RUFY3: variants seen among roughly 807,000 people sequenced by gnomAD.
RUFY3 encodes protein RUFY3.
RUFY3 carries 34 observed loss-of-function variants against 84.0 expected under a neutral mutation model. That is an observed-to-expected ratio of 0.40 (90% CI 0.31 to 0.54). RUFY3 has a LOEUF of 0.54. Among genes scored for constraint, RUFY3 ranks in the 20% least tolerant of loss-of-function variants. RUFY3 has a pLI of 0.39. For synonymous variants in RUFY3, 242 were observed against 252.9 expected, an observed-to-expected ratio of 0.96 and a Z score of 0.41; for missense variants, 507 against 736.8, an observed-to-expected ratio of 0.69 and a Z score of 3.61.
intron 14 of RUFY3, among the ~76,000 whole-genome samples, chr4:70,796,088 A>G (rs116343660): frequency 9.0e-4 from 137 of 152,300 alleles, no homozygotes; most frequent in African/African-American, 3.2e-3. Context: ...AGTCCCAGCT[A>G]CTTGGGAGGC....
At chr4:70,788,765 A>G in intron 10 of RUFY3, 41 bp from the exon 11 acceptor site, 1 of 1,602,688 alleles carries the variant, frequency 6.2e-7, no homozygotes, top group African/African-American at 1.3e-5. Context: ...TACTTAGTTG[A>G]AGGAACAGAG....
At chr4:70,789,438 T>C in intron 11 of RUFY3, 57 bp from the exon 12 acceptor site, 1 of 1,438,630 alleles carries the variant, frequency 7.0e-7, no homozygotes, top group African/African-American at 1.4e-5. Flanking sequence ...AAGGCATGTG[T>C]GGTTGTATTT....
chr4:70,762,746 ATAC>A, intron 2 of RUFY3, 54 bp downstream of exon 2: 1 of 1,451,396 alleles, frequency 6.9e-7, no homozygotes. Context: ...CTAGCAATGC[ATAC>A]TATAGAAGAA....
chr4:70,757,961 CTGAT>C (rs1178249943), intron 1 of RUFY3, among the ~76,000 whole-genome samples: 1 of 152,184 alleles, frequency 6.6e-6, no homozygotes, highest in Non-Finnish European at 1.5e-5. Context: ...AAAAGCTTGA[CTGAT>C]GATATCATGA....
In RUFY3 at chr4:70,731,512, A is replaced by T. The variant is rs112612576; in HGVS notation, c.178+8761A>T. 6.6e-3 allele frequency among the ~76,000 whole-genome samples: 998 copies of T among 152,330 alleles called. 18 individuals are homozygous for T. Among genetic ancestry groups the T allele is most frequent in the African/African-American group, 0.023 (960 of 41,570 alleles). ...GACCTGGCTGGCAAGTGACACCTCT[A>T]TATGCTAAATTTAGCTTTCTGAAGC... On this transcript the variant is annotated intron_variant, in intron 1 of 17. Coordinates refer to ENST00000381006, the MANE Select transcript of RUFY3 (RefSeq NM_001037442.4).
chr4:70,741,567 T>G, intron 1 of RUFY3: 1 of 1,431,364 alleles, frequency 7.0e-7, no homozygotes, highest in Admixed American at 2.4e-5. Context: ...ATAGCACTTT[T>G]CTTTCTGGGC....
chr4:70,768,756 A>T (rs1161206953), intron 5 of RUFY3, 95 bp downstream of exon 5: 1 of 1,116,710 alleles, frequency 9.0e-7, no homozygotes, highest in African/African-American at 1.6e-5. Context: ...ATTAGGCCAT[A>T]TTCTATGAGT....
rs1025402309 is a variant in RUFY3, at chr4:70,780,536, A to C, written c.894+2098A>C. ...TTGAGCTCCCGGCCTCAGGTGATCC[A>C]CCCGCCTCGGCCTCCCAAAGTGCTG... On this transcript the variant is annotated intron_variant, in intron 8 of 17. Transcript: ENST00000381006. Among the ~76,000 whole-genome samples, 523 of 151,478 alleles carry C rather than the reference A, an allele frequency of 3.5e-3. 3 individuals carry two copies. The highest frequency in any genetic ancestry group is 0.012 in the African/African-American group (487 of 41,346).
At chr4:70,735,245 G>A (rs1720082892) in intron 1 of RUFY3, among the ~76,000 whole-genome samples, 1 of 152,162 alleles carries the variant, frequency 6.6e-6, no homozygotes, top group South Asian at 2.1e-4. Flanking sequence ...AGGGGGAGGT[G>A]GAGAGTATAT....
chr4:70,735,466 GGCT>G (rs1172076780), intron 1 of RUFY3, among the ~76,000 whole-genome samples: 1 of 152,140 alleles, frequency 6.6e-6, no homozygotes, highest in African/African-American at 2.4e-5. Context: ...CTTCCCAAAT[GGCT>G]GCTAAGTAAT....
intron 14 of RUFY3, among the ~76,000 whole-genome samples, chr4:70,797,895 ATTATT>A (rs1451375001): frequency 2.6e-5 from 4 of 152,216 alleles, no homozygotes; most frequent in African/African-American, 9.6e-5. Flanking sequence ...TGCTATCTTT[ATTATT>A]TTAGTTTAGT....
intron 15 of RUFY3, among the ~76,000 whole-genome samples, chr4:70,801,292 A>T (rs1447232334): frequency 6.6e-6 from 1 of 151,252 alleles, no homozygotes; most frequent in East Asian, 1.9e-4. Flanking sequence ...ACATGTCATT[A>T]TACATTTGAC....
intron 1 of RUFY3, among the ~76,000 whole-genome samples, chr4:70,730,572 C>CAAAA (rs796173421): frequency 2.8e-5 from 3 of 106,552 alleles, no homozygotes; most frequent in African/African-American, 3.5e-5. Context: ...ACTAAAAATA[C>CAAAA]AAAAAAAAAA....
At chr4:70,791,740 T>C in intron 12 of RUFY3, 1 of 993,880 alleles carries the variant, frequency 1.0e-6, no homozygotes, top group Non-Finnish European at 1.2e-6. Context: ...GTAACTACCA[T>C]GTGAACTTGA....
chr4:70,772,715 C>T lies in RUFY3; in HGVS notation c.697-796C>T, dbSNP rs1373890108. On this transcript the variant is annotated intron_variant, in intron 5 of 17. Coordinates refer to ENST00000381006, the MANE Select transcript of RUFY3 (RefSeq NM_001037442.4). Reference sequence around the variant, plus strand: ...TGCTCTTGTTGCCCAGGCTGGAGTGCAATGGTGAGATCCTGGCTTACCGCA... The same window carrying T: ...TGCTCTTGTTGCCCAGGCTGGAGTGTAATGGTGAGATCCTGGCTTACCGCA... Among the ~76,000 whole-genome samples, 3 of 151,378 alleles carry T rather than the reference C, an allele frequency of 2.0e-5. No individual in the cohort carries two copies. The East Asian group carries it at 5.8e-4, about 29-fold the overall frequency.
At chr4:70,762,843 T>A in intron 2 of RUFY3, 151 bp downstream of exon 2, 1 of 691,788 alleles carries the variant, frequency 1.4e-6, no homozygotes, top group Non-Finnish European at 2.3e-6. Flanking sequence ...AGGAGCAGGG[T>A]TATGGTTGAC....
intron 14 of RUFY3, chr4:70,799,502 TG>T: frequency 6.6e-6 from 1 of 152,586 alleles, no homozygotes; most frequent in Non-Finnish European, 1.5e-5. Context: ...GAGACCAGCC[TG>T]GCCAACATGG....
chr4:70,791,292 C>G (rs1730774295), intron 12 of RUFY3: 9 of 1,613,220 alleles, frequency 5.6e-6, no homozygotes, highest in Non-Finnish European at 7.6e-6. Flanking sequence ...CCCAAAACAT[C>G]ATTAGGCATT....
intron 13 of RUFY3, 105 bp from the exon 14 acceptor site, chr4:70,794,690 C>A: frequency 1.4e-6 from 1 of 737,558 alleles, no homozygotes; most frequent in Non-Finnish European, 2.4e-6. Flanking sequence ...AAGCCCTTAA[C>A]CATTCGTAAT....
Sources: allele counts gnomAD v4.1 joint callset (sites outside exome capture counted in the v4.1 genomes callset), GRCh38; gene constraint gnomAD v4.1.1; transcripts MANE v1.5; gene names NCBI Gene and HGNC (gene_info 2026-07-23, HGNC 2026-07-21).